The following PRKG1 variants were observed in gnomAD, a reference collection of about 807,000 sequenced individuals.
The protein encoded by PRKG1 is cGMP-dependent protein kinase 1.
Under a neutral mutation model 88.1 loss-of-function variants are expected in PRKG1, and 35 were observed. The observed-to-expected ratio is 0.40, with a 90% confidence interval of 0.30 to 0.53. The LOEUF is 0.53. PRKG1 is among the 20% of genes least tolerant of loss of function. The pLI is 0.59. For synonymous variants in PRKG1, 303 were observed against 292.5 expected (o/e 1.04, Z -0.37); for missense variants, 540 against 839.8 (o/e 0.64, Z 4.41).
rs1399521811 is a variant in PRKG1, at chr10:52,296,724, G to A, written c.*2824G>A. 1 of 151,832 alleles carries A rather than the reference G, an allele frequency of 6.6e-6. No individual in the cohort carries two copies. The highest frequency in any genetic ancestry group is 2.4e-5 in the African/African-American group (1 of 41,364). The allele number at this position is 151,832 out of a possible 1,614,324, so 9.4% of individuals were successfully genotyped here. On this transcript the variant is annotated 3_prime_UTR_variant, in exon 18 of 18. Coordinates refer to ENST00000373980, the MANE Select transcript of PRKG1 (RefSeq NM_006258.4). ...TCACAGGAAAACTGAAACTGCCAAGGGAAGCAACATTAAAACAACTGGGAT... is the reference window on the plus strand; with the variant it reads ...TCACAGGAAAACTGAAACTGCCAAGAGAAGCAACATTAAAACAACTGGGAT...
intron 7 of PRKG1, among the ~76,000 whole-genome samples, chr10:52,114,217 G>A (rs1847633901): frequency 1.3e-5 from 2 of 152,196 alleles, no homozygotes; most frequent in African/African-American, 4.8e-5. Flanking sequence ...TATGTCTAAG[G>A]CTGGGGAGAT....
intron 3 of PRKG1, among the ~76,000 whole-genome samples, chr10:51,580,202 A>G (rs1310226787): frequency 6.6e-6 from 1 of 152,126 alleles, no homozygotes; most frequent in Non-Finnish European, 1.5e-5. Flanking sequence ...AGATATATCC[A>G]TGCTGTTATG....
intron 1 of PRKG1, among the ~76,000 whole-genome samples, chr10:51,080,480 T>A (rs1447195839): frequency 6.6e-6 from 1 of 152,160 alleles, no homozygotes; most frequent in Non-Finnish European, 1.5e-5. Flanking sequence ...CTCCATGGTA[T>A]CCTAGCAACC....
intron 1 of PRKG1, among the ~76,000 whole-genome samples, chr10:51,003,820 C>T (rs961061904): frequency 3.9e-5 from 6 of 152,098 alleles, no homozygotes; most frequent in African/African-American, 1.4e-4. Context: ...TAAAATAATT[C>T]CATAACACTC....
chr10:52,162,561 C>A (rs553993028), intron 9 of PRKG1, among the ~76,000 whole-genome samples: 1 of 151,814 alleles, frequency 6.6e-6, no homozygotes, highest in East Asian at 1.9e-4. Flanking sequence ...CTATATAATC[C>A]TCCCCTCTTT....
intron 5 of PRKG1, among the ~76,000 whole-genome samples, chr10:51,962,725 G>C (rs1843476135): frequency 6.6e-6 from 1 of 152,174 alleles, no homozygotes; most frequent in East Asian, 1.9e-4. Flanking sequence ...GTGCACAGGG[G>C]AATGTGGTCT....
intron 5 of PRKG1, among the ~76,000 whole-genome samples, chr10:51,989,667 A>G (rs1382944778): frequency 6.6e-6 from 1 of 152,138 alleles, no homozygotes; most frequent in African/African-American, 2.4e-5. Context: ...GAAATGCCTC[A>G]TAGTTCATTG....
intron 9 of PRKG1, among the ~76,000 whole-genome samples, chr10:52,220,446 C>A (rs187653460): frequency 3.3e-5 from 5 of 151,964 alleles, no homozygotes; most frequent in Admixed American, 6.6e-5. Context: ...TTCAGGGGTG[C>A]ATGTGCAGAT....
intron 2 of PRKG1, among the ~76,000 whole-genome samples, chr10:51,412,274 G>A (rs1179014864): frequency 2.7e-5 from 4 of 150,234 alleles, no homozygotes; most frequent in Admixed American, 2.0e-4. Flanking sequence ...AGGGCCTCAG[G>A]AAAAAAGGAA....
In PRKG1 at chr10:51,942,029, G is replaced by A. The variant is rs552263916; in HGVS notation, c.762+34459G>A. Among the ~76,000 whole-genome samples, 348 of 152,044 alleles carry A rather than the reference G, an allele frequency of 2.3e-3. 6 individuals carry two copies. The highest frequency in any genetic ancestry group is 7.6e-3 in the African/African-American group (316 of 41,398). On this transcript the variant is annotated intron_variant, in intron 5 of 17. Transcript: ENST00000373980. ...CTGGATCCCTGAGGAATCGCCACAC[G>A]GACTTCCACAAGGGTTGAACTAGTT...
chr10:52,124,849 A>G (rs187617980), intron 7 of PRKG1, among the ~76,000 whole-genome samples: 2 of 152,244 alleles, frequency 1.3e-5, no homozygotes, highest in African/African-American at 4.8e-5. Flanking sequence ...AAACATTCAC[A>G]GTAGTGTAGG....
chr10:51,387,116 A>G (rs143397728), intron 2 of PRKG1, among the ~76,000 whole-genome samples: 9 of 152,122 alleles, frequency 5.9e-5, no homozygotes, highest in Non-Finnish European at 1.2e-4. Context: ...ACTGAAGGTG[A>G]GAGCAGCCAA....
chr10:51,778,003 A>T (rs1420177590), intron 3 of PRKG1, among the ~76,000 whole-genome samples: 1 of 152,062 alleles, frequency 6.6e-6, no homozygotes, highest in Non-Finnish European at 1.5e-5. Context: ...TTACATATCC[A>T]TTGCCTCCTG....
intron 9 of PRKG1, among the ~76,000 whole-genome samples, chr10:52,191,089 A>G (rs1036486935): frequency 2.6e-5 from 4 of 152,116 alleles, no homozygotes; most frequent in African/African-American, 4.8e-5. Context: ...CATACACTGT[A>G]TGTTGGTTAT....
chr10:51,097,602 C>T (rs1175973969), intron 1 of PRKG1, among the ~76,000 whole-genome samples: 1 of 152,130 alleles, frequency 6.6e-6, no homozygotes, highest in East Asian at 1.9e-4. Flanking sequence ...CTTGCTGTTA[C>T]TCCCATCTTC....
intron 2 of PRKG1, among the ~76,000 whole-genome samples, chr10:51,183,758 A>T (rs890926539): frequency 5.9e-5 from 9 of 152,198 alleles, no homozygotes; most frequent in African/African-American, 1.9e-4. Flanking sequence ...AAATACATAC[A>T]TATTCTTACT....
chr10:52,136,574 T>C (rs1178772327), intron 8 of PRKG1, among the ~76,000 whole-genome samples: 1 of 152,070 alleles, frequency 6.6e-6, no homozygotes, highest in Admixed American at 6.6e-5. Context: ...TACTTGAATC[T>C]TGACTACACC....
At chr10:52,265,519 T>C (rs1018847072) in intron 10 of PRKG1, among the ~76,000 whole-genome samples, 2 of 152,100 alleles carry the variant, frequency 1.3e-5, no homozygotes, top group African/African-American at 4.8e-5. Context: ...ATTCTAAGGA[T>C]CAACTCACAG....
chr10:51,978,245 G>A (rs927850544), intron 5 of PRKG1, among the ~76,000 whole-genome samples: 2 of 151,874 alleles, frequency 1.3e-5, no homozygotes, highest in Non-Finnish European at 1.5e-5. Flanking sequence ...GTTTTTGTCA[G>A]CTTTGTTGAA....
Sources: gnomAD v4.1 joint callset for allele counts (sites outside exome capture counted in the v4.1 genomes callset) on GRCh38, gnomAD v4.1.1 for gene constraint, MANE v1.5 for transcripts, NCBI Gene and HGNC (gene_info 2026-07-23, HGNC 2026-07-21) for gene names.